STX8: variants seen among roughly 807,000 people sequenced by gnomAD.
STX8 encodes the protein syntaxin-8.
A neutral mutation model predicts 37.5 loss-of-function variants in STX8; 23 were observed. That is an observed-to-expected ratio of 0.61 (90% CI 0.44 to 0.87). The LOEUF is 0.87. Among genes scored for constraint, STX8 ranks in the 40% least tolerant of loss-of-function variants. The pLI, the probability that STX8 is intolerant of heterozygous loss-of-function variation, is 0.00. For missense variants in STX8, 313 were observed against 284.7 expected, an observed-to-expected ratio of 1.10 and a Z score of -0.71; for synonymous variants, 115 against 99.1, an observed-to-expected ratio of 1.16 and a Z score of -0.95.
intron 6 of STX8, among the ~76,000 whole-genome samples, chr17:9,424,719 T>C (rs1913564134): frequency 2.6e-5 from 4 of 152,186 alleles, no homozygotes; most frequent in Admixed American, 2.6e-4. Context: ...TAGATACTTG[T>C]AGTATATTTT....
intron 7 of STX8, among the ~76,000 whole-genome samples, chr17:9,281,363 T>A (rs1324573116): frequency 6.6e-6 from 1 of 152,008 alleles, no homozygotes; most frequent in Non-Finnish European, 1.5e-5. Flanking sequence ...GCCTGAGAAA[T>A]GGAGTGGTTG....
chr17:9,355,500 A>AT (rs35363770), intron 7 of STX8, among the ~76,000 whole-genome samples: 5,123 of 124,416 alleles, frequency 0.041, 398 homozygotes, highest in African/African-American at 0.13. Flanking sequence ...ACACCTAGCA[A>AT]TTTTTTTTTT....
At chr17:9,454,687 A>C (rs1454928692) in intron 6 of STX8, among the ~76,000 whole-genome samples, 1 of 149,924 alleles carries the variant, frequency 6.7e-6, no homozygotes, top group Non-Finnish European at 1.5e-5. Flanking sequence ...CAAAAAAAAA[A>C]AAACAAAAAA....
At chr17:9,357,053 C>T (rs1040923821) in intron 7 of STX8, among the ~76,000 whole-genome samples, 4 of 149,676 alleles carry the variant, frequency 2.7e-5, no homozygotes, top group South Asian at 4.3e-4. Flanking sequence ...CTGCAACCTC[C>T]GCCTCCCAGG....
At chr17:9,423,226 T>A (rs1454984844) in intron 6 of STX8, among the ~76,000 whole-genome samples, 2 of 152,240 alleles carry the variant, frequency 1.3e-5, no homozygotes, top group African/African-American at 4.8e-5. Flanking sequence ...GCACTGTCAA[T>A]AAGTGTTAGC....
intron 7 of STX8, among the ~76,000 whole-genome samples, chr17:9,256,480 T>A (rs975073273): frequency 6.6e-6 from 1 of 152,238 alleles, no homozygotes; most frequent in Non-Finnish European, 1.5e-5. Flanking sequence ...AGAACAGTGA[T>A]GAGCCCATCC....
Position 9,250,609 on chromosome 17 carries a change from A to G in STX8, c.680T>C (p.Ile227Thr), listed in dbSNP as rs1157949283. The G allele has an allele frequency of 1.2e-6, 2 of 1,600,688 alleles. No individual in the cohort carries two copies. The highest frequency in any genetic ancestry group is 3.5e-5 in the Admixed American group (2 of 57,804). The change falls in exon 8 of 8, where the codon ATC becomes ACC. Residue 227 changes from isoleucine (I) to threonine (T), a missense_variant. Ile to Thr is a moderately conservative substitution (Grantham distance 89). Coordinates refer to ENST00000306357, the MANE Select transcript of STX8 (RefSeq NM_004853.3). ...GGTCGGCCAGACTGCAACAACCACGATAGCCACAAGCAGCAGTAAAATCAC... is the reference window on the plus strand; with the variant it reads ...GGTCGGCCAGACTGCAACAACCACGGTAGCCACAAGCAGCAGTAAAATCAC... ...IMVILLLLVA[I>T]VVVAVWPTN
At chr17:9,432,287 C>G (rs762043204) in intron 6 of STX8, among the ~76,000 whole-genome samples, 1 of 152,074 alleles carries the variant, frequency 6.6e-6, no homozygotes, top group African/African-American at 2.4e-5. Flanking sequence ...AGTATAAGCT[C>G]CTCACATACG....
At chr17:9,309,698 G>C (rs1275189626) in intron 7 of STX8, among the ~76,000 whole-genome samples, 3 of 152,152 alleles carry the variant, frequency 2.0e-5, no homozygotes, top group African/African-American at 4.8e-5. Context: ...TTTGATGAGT[G>C]AGAGTCATCA....
At chr17:9,271,478 G>A (rs186953695) in intron 7 of STX8, among the ~76,000 whole-genome samples, 81 of 152,100 alleles carry the variant, frequency 5.3e-4, no homozygotes, top group Middle Eastern at 3.4e-3. Flanking sequence ...GCGGCCGGGC[G>A]TGGTGGCTCA....
At chr17:9,377,723 C>T (rs1338316836) in intron 7 of STX8, among the ~76,000 whole-genome samples, 2 of 152,054 alleles carry the variant, frequency 1.3e-5, no homozygotes, top group Non-Finnish European at 2.9e-5. Flanking sequence ...TGCTATGTTG[C>T]CCAGGCTGGT....
At chr17:9,425,329 A>G (rs1235596640) in intron 6 of STX8, among the ~76,000 whole-genome samples, 2 of 152,144 alleles carry the variant, frequency 1.3e-5, no homozygotes, top group Non-Finnish European at 2.9e-5. Context: ...ATAACTTATC[A>G]CACATGCTCC....
chr17:9,474,776 T>C (rs1489232331), intron 6 of STX8, among the ~76,000 whole-genome samples: 1 of 152,116 alleles, frequency 6.6e-6, no homozygotes, highest in African/African-American at 2.4e-5. Flanking sequence ...ATCGAGACCA[T>C]CCTGGCTAAC....
chr17:9,514,367 G>T (rs1296926278), intron 4 of STX8, among the ~76,000 whole-genome samples: 1 of 152,128 alleles, frequency 6.6e-6, no homozygotes, highest in African/African-American at 2.4e-5. Flanking sequence ...CACTTTGGGA[G>T]GCCAACGCAG....
intron 6 of STX8, among the ~76,000 whole-genome samples, chr17:9,445,563 C>T (rs1006714984): frequency 6.9e-6 from 1 of 145,144 alleles, no homozygotes; most frequent in African/African-American, 2.5e-5. Flanking sequence ...TTTAAAACAC[C>T]ACGCAAGCGG....
chr17:9,342,748 C>T (rs1042330639), intron 7 of STX8, among the ~76,000 whole-genome samples: 1 of 151,936 alleles, frequency 6.6e-6, no homozygotes, highest in Non-Finnish European at 1.5e-5. Flanking sequence ...AATGGCCGGG[C>T]GCGGTGGCTC....
intron 4 of STX8, among the ~76,000 whole-genome samples, chr17:9,508,498 T>C (rs1170773346): frequency 1.3e-5 from 2 of 152,132 alleles, no homozygotes; most frequent in Admixed American, 6.5e-5. Flanking sequence ...CAGCTAATTT[T>C]TGTATTTTTT....
intron 7 of STX8, among the ~76,000 whole-genome samples, chr17:9,366,502 T>C (rs1223570794): frequency 6.6e-6 from 1 of 152,222 alleles, no homozygotes; most frequent in Admixed American, 6.5e-5. Context: ...AGTGCTGGGA[T>C]TACAAGTGTG....
chr17:9,491,249 C>A (rs1025907558), intron 6 of STX8, among the ~76,000 whole-genome samples: 2 of 151,904 alleles, frequency 1.3e-5, no homozygotes, highest in African/African-American at 4.8e-5. Flanking sequence ...CAATCCCGTG[C>A]CCCCGTATTT....
Sources: gnomAD v4.1 joint callset for allele counts (sites outside exome capture counted in the v4.1 genomes callset) on GRCh38, gnomAD v4.1.1 for gene constraint, MANE v1.5 for transcripts, NCBI Gene and HGNC (gene_info 2026-07-23, HGNC 2026-07-21) for gene names.